The following ADAM17 variants were observed in gnomAD, a reference collection of about 807,000 sequenced individuals.
The protein encoded by ADAM17 is disintegrin and metalloproteinase domain-containing protein 17.
A neutral mutation model predicts 96.7 loss-of-function variants in ADAM17; 39 were observed. The observed-to-expected ratio is 0.40, with a 90% CI of 0.31 to 0.53. ADAM17 has a LOEUF of 0.53. Ranked by LOEUF, ADAM17 falls within the 20% of genes least tolerant of loss-of-function variation. The pLI is 0.44. For missense variants in ADAM17, 777 were observed against 1,013.2 expected, an observed-to-expected ratio of 0.77 and a Z score of 3.17; for synonymous variants, 344 against 359.2, an observed-to-expected ratio of 0.96 and a Z score of 0.48.
chr2:9,527,823 C>T lies in ADAM17; in HGVS notation c.582G>A (p.Leu194=). 1 of 1,600,006 alleles carries T rather than the reference C, an allele frequency of 6.2e-7. No individual in the cohort carries two copies. Among genetic ancestry groups the T allele is most frequent in the African/African-American group, 1.3e-5 (1 of 74,448 alleles). Residue 194 remains leucine (L), a synonymous_variant, in exon 5 of 19, where the codon TTG becomes TTA. Transcript: ENST00000310823. The part of the protein sequence containing the change: ...CGYLKVDNEE[L]LPKGLVDREP... ...CTCTGTCTACTAACCCTTTTGGGAG[C>T]AACTCTTCATTATCCACTTTTAAAT...
In ADAM17 at chr2:9,488,905, A is replaced by AG. The variant is rs1317799166; in HGVS notation, c.*1271dup. 1 of 152,232 alleles carries AG rather than the reference A, an allele frequency of 6.6e-6. No homozygotes were observed. Among genetic ancestry groups the AG allele is most frequent in the South Asian group, 2.1e-4 (1 of 4,834 alleles). 9.4% of individuals were successfully genotyped at this position (152,232 alleles called of 1,614,324 possible). ...GGCTGGTGAGCACATTTCAGTTCTT[A>AG]GGGGAAAAAAAGCTTTTAATGGCAA... On this transcript the variant is annotated 3_prime_UTR_variant, in exon 19 of 19. Coordinates refer to ENST00000310823, the MANE Select transcript of ADAM17 (RefSeq NM_003183.6).
At chr2:9,505,714 A>G (rs1443193548) in intron 11 of ADAM17, 1 of 267,728 alleles carries the variant, frequency 3.7e-6, no homozygotes, top group African/African-American at 2.2e-5. Flanking sequence ...TCAGACTTGA[A>G]ATCTCCTCAC....
rs1661823349 is a variant in ADAM17, at chr2:9,488,888, A to G, written c.*1289T>C. Reference sequence around the variant, plus strand: ...ACAAGTTAAAATGTTTTGGCTGGTGAGCACATTTCAGTTCTTAGGGGAAAA... The same window carrying G: ...ACAAGTTAAAATGTTTTGGCTGGTGGGCACATTTCAGTTCTTAGGGGAAAA... On this transcript the variant is annotated 3_prime_UTR_variant, in exon 19 of 19. Transcript: ENST00000310823. 1 of 152,244 alleles carries G rather than the reference A, an allele frequency of 6.6e-6. No individual in the cohort carries two copies. Among genetic ancestry groups the G allele is most frequent in the African/African-American group, 2.4e-5 (1 of 41,460 alleles). 9.4% of individuals were successfully genotyped at this position (152,244 alleles called of 1,614,324 possible).
chr2:9,508,135 C>T (rs1208841138), intron 11 of ADAM17, among the ~76,000 whole-genome samples: 1 of 152,194 alleles, frequency 6.6e-6, no homozygotes, highest in Admixed American at 6.5e-5. Flanking sequence ...CTGACACTAT[C>T]CTCATAACCA....
chr2:9,524,210 G>A (rs1664429258), intron 6 of ADAM17, among the ~76,000 whole-genome samples: 1 of 152,122 alleles, frequency 6.6e-6, no homozygotes, highest in South Asian at 2.1e-4. Flanking sequence ...GAGAATCAAA[G>A]TTATACAGTG....
At chr2:9,496,628 C>T (rs1662624225) in intron 14 of ADAM17, 1 of 154,266 alleles carries the variant, frequency 6.5e-6, no homozygotes, top group South Asian at 2.0e-4. Flanking sequence ...TCTAAGAGAT[C>T]AGAGGGGAGC....
At position 9,490,076 on chromosome 2, in the gene ADAM17, AGTCACTTCC is replaced by A; in HGVS notation, c.*92_*100del. The A allele has an allele frequency of 8.8e-7, 1 of 1,133,336 alleles. No individual in the cohort carries two copies. The highest frequency in any genetic ancestry group is 1.2e-6 in the Non-Finnish European group (1 of 812,266). The allele number at this position is 1,133,336 out of a possible 1,614,324, so 70.2% of individuals were successfully genotyped here. ...TCAAACACATGACCAGCATCTGCTA[AGTCACTTCC>A]CAGTCTTCACAAAATACAAGCTGTG... On this transcript the variant is annotated 3_prime_UTR_variant, in exon 19 of 19. Transcript: ENST00000310823.
At chr2:9,524,861 C>T (rs1351925774) in intron 6 of ADAM17, among the ~76,000 whole-genome samples, 1 of 152,166 alleles carries the variant, frequency 6.6e-6, no homozygotes, top group Non-Finnish European at 1.5e-5. Context: ...AATTACCTAT[C>T]TTTTTCTCAA....
intron 2 of ADAM17, among the ~76,000 whole-genome samples, chr2:9,537,821 G>A (rs906416093): frequency 2.0e-5 from 3 of 148,824 alleles, no homozygotes; most frequent in Non-Finnish European, 4.5e-5. Flanking sequence ...ATAAATACAA[G>A]GTATCTAAGA....
chr2:9,494,797 G>A (rs1437630073), intron 14 of ADAM17, 30 bp from the exon 15 acceptor site: 1 of 1,612,070 alleles, frequency 6.2e-7, no homozygotes, highest in Non-Finnish European at 8.5e-7. Context: ...TTGACAGCTG[G>A]ATTGTTCTGA....
At chr2:9,509,545 A>G (rs562264335) in intron 11 of ADAM17, among the ~76,000 whole-genome samples, 1 of 152,352 alleles carries the variant, frequency 6.6e-6, no homozygotes, top group Admixed American at 6.5e-5. Context: ...CCTTTCTCCC[A>G]TGAGGCTTGT....
At chr2:9,500,636 CAGAT>C (rs1182244166) in intron 13 of ADAM17, among the ~76,000 whole-genome samples, 1 of 151,914 alleles carries the variant, frequency 6.6e-6, no homozygotes, top group South Asian at 2.1e-4. Context: ...AAGAATGGGA[CAGAT>C]AGATATATCA....
chr2:9,511,235 G>A (rs929443741), intron 10 of ADAM17, among the ~76,000 whole-genome samples: 1 of 152,158 alleles, frequency 6.6e-6, no homozygotes, highest in African/African-American at 2.4e-5. Context: ...GATCGCCTGA[G>A]GTCAGGAGTT....
intron 2 of ADAM17, 27 bp from the exon 3 acceptor site, chr2:9,536,855 C>A (rs1412928411): frequency 6.2e-7 from 1 of 1,606,814 alleles, no homozygotes; most frequent in South Asian, 1.1e-5. Context: ...TCATATTTTA[C>A]TCTAAGCACA....
chr2:9,497,703 T>C (rs2124978298), intron 13 of ADAM17, among the ~76,000 whole-genome samples: 1 of 152,298 alleles, frequency 6.6e-6, no homozygotes, highest in African/African-American at 2.4e-5. Context: ...ATACTATTCC[T>C]TCTACCTGGA....
In ADAM17 at chr2:9,518,854, C is replaced by T. The variant is rs1044226576; in HGVS notation, c.958-607G>A. ...TCATACATTACTTTAAAAACCTCTA[C>T]CATAACCGTCCAGCGTCTCCAAGTT... On this transcript the variant is annotated intron_variant, in intron 8 of 18. Transcript: ENST00000310823. 3.5e-4 allele frequency among the ~76,000 whole-genome samples: 53 copies of T among 150,916 alleles called. 1 individual carries two copies. The highest frequency in any genetic ancestry group is 1.3e-3 in the African/African-American group (52 of 41,020).
intron 3 of ADAM17, among the ~76,000 whole-genome samples, 177 bp from the exon 4 acceptor site, chr2:9,536,099 T>C (rs1283780230): frequency 6.6e-6 from 1 of 152,086 alleles, no homozygotes; most frequent in African/African-American, 2.4e-5. Flanking sequence ...TCCTAAGGGG[T>C]AGCCTCAAGT....
At chr2:9,535,382 A>G (rs939964214) in intron 4 of ADAM17, among the ~76,000 whole-genome samples, 2 of 152,226 alleles carry the variant, frequency 1.3e-5, no homozygotes, top group African/African-American at 4.8e-5. Context: ...TACTCTTTCA[A>G]TGGAAGAGTG....
intron 10 of ADAM17, among the ~76,000 whole-genome samples, chr2:9,515,040 C>T (rs891914425): frequency 3.3e-5 from 5 of 152,130 alleles, no homozygotes; most frequent in Non-Finnish European, 7.4e-5. Flanking sequence ...CACCCAAAGT[C>T]CACAGTTTAT....
Sources: allele counts gnomAD v4.1 joint callset (sites outside exome capture counted in the v4.1 genomes callset), GRCh38; gene constraint gnomAD v4.1.1; transcripts MANE v1.5; gene names NCBI Gene and HGNC (gene_info 2026-07-23, HGNC 2026-07-21).